Variants in TMEM260 observed in about 807,000 individuals in gnomAD.
TMEM260 encodes the protein transmembrane protein 260.
A neutral mutation model predicts 88.9 loss-of-function variants in TMEM260; 82 were observed. That is an observed-to-expected ratio of 0.92 (90% CI 0.77 to 1.11). The LOEUF (loss-of-function observed/expected upper bound fraction) is 1.11. Among genes scored for constraint, TMEM260 ranks in the 50% least tolerant of loss-of-function variants. TMEM260 has a pLI of 0.00. For missense variants in TMEM260, 902 were observed against 853.4 expected, an observed-to-expected ratio of 1.06 and a Z score of -0.71; for synonymous variants, 314 against 309.3, an observed-to-expected ratio of 1.02 and a Z score of -0.16.
chr14:56,621,275 A>G lies in TMEM260; in HGVS notation c.1227-256A>G, dbSNP rs149059951. Among the ~76,000 whole-genome samples the G allele has an allele frequency of 6.6e-3, 1,008 of 152,344 alleles. 10 individuals carry two copies. Among genetic ancestry groups the G allele is most frequent in the African/African-American group, 0.022 (902 of 41,584 alleles). On this transcript the variant is annotated intron_variant, in intron 10 of 15. Transcript: ENST00000261556. ...GGGAAAAAAGGACCTATTCTTGTGT[A>G]CTGATTCCCTTTTTCTGGAAATGAT...
At chr14:56,586,002 G>T in intron 3 of TMEM260, 90 bp downstream of exon 3, 1 of 1,350,564 alleles carries the variant, frequency 7.4e-7, no homozygotes. Flanking sequence ...AAAATCTTTT[G>T]TTGCTTGGTT....
In TMEM260 at chr14:56,579,992, C is replaced by T. The variant is rs1488236600; in HGVS notation, c.78C>T (p.Ile26=). 1.6e-6 allele frequency: 2 copies of T among 1,246,214 alleles called. No homozygotes were observed. Among genetic ancestry groups the T allele is most frequent in the African/African-American group, 1.6e-5 (1 of 64,510 alleles). 77.2% of individuals were successfully genotyped at this position (1,246,214 alleles called of 1,614,324 possible). A position where few individuals can be genotyped will look rare whatever the true frequency, so the allele number is the denominator to read the frequency against. Residue 26 remains isoleucine (I), a synonymous_variant, in exon 1 of 16, where the codon ATC becomes ATT. Transcript: ENST00000261556. ...VRVGLRRSGG[I]RGGVAVFAAV... is the part of the protein sequence containing the mutation. ...TGGGGCTGCGGCGCTCCGGGGGCAT[C>T]CGCGGCGGCGTGGCGGTGTTCGCCG...
intron 8 of TMEM260, 114 bp downstream of exon 8, chr14:56,616,141 A>T: frequency 1.4e-6 from 1 of 694,574 alleles, no homozygotes; most frequent in Non-Finnish European, 2.5e-6. Context: ...CAAATAAATG[A>T]CTCTCCTAGC....
At chr14:56,583,798 A>G (rs1434353251) in intron 1 of TMEM260, among the ~76,000 whole-genome samples, 1 of 152,106 alleles carries the variant, frequency 6.6e-6, no homozygotes, top group African/African-American at 2.4e-5. Context: ...GAGGTGCAAA[A>G]GAGGACCACT....
At chr14:56,636,721 T>C in intron 15 of TMEM260, 123 bp downstream of exon 15, 1 of 872,848 alleles carries the variant, frequency 1.1e-6, no homozygotes, top group Admixed American at 2.2e-5. Flanking sequence ...TCAATTTGGG[T>C]GGTATAAAGC....
chr14:56,642,553 G>T (rs1300652836), intron 15 of TMEM260, among the ~76,000 whole-genome samples: 1 of 152,142 alleles, frequency 6.6e-6, no homozygotes, highest in African/African-American at 2.4e-5. Context: ...ACAAGAGAAA[G>T]CAGGAAAGAT....
chr14:56,631,035 C>T (rs1888557215), intron 12 of TMEM260, among the ~76,000 whole-genome samples: 2 of 152,010 alleles, frequency 1.3e-5, no homozygotes, highest in African/African-American at 2.4e-5. Context: ...ATTCTTGCCA[C>T]CTCAGAAGAA....
chr14:56,661,531 G>C, the TMEM260 span, among the ~76,000 whole-genome samples: 2 of 122,460 alleles, frequency 1.6e-5, no homozygotes, highest in African/African-American at 6.3e-5. Context: ...AGGGAAGGAG[G>C]AAAGGAGGGA....
chr14:56,584,630 G>T lies in TMEM260; in HGVS notation c.161-371G>T, dbSNP rs17091747. Among the ~76,000 whole-genome samples, 144 of 152,158 alleles carry T rather than the reference G, an allele frequency of 9.5e-4. 4 individuals are homozygous for T. In the East Asian group the frequency reaches 0.024, roughly 26 times the overall value. The stretch of plus-strand genomic sequence containing the variant: ...TCTGCGCATTTTACCTTACTATAAG[G>T]TTGTATCTTTATAGACTTTCGTGCT... On this transcript the variant is annotated intron_variant, in intron 1 of 15. Transcript: ENST00000261556.
At position 56,625,478 on chromosome 14, in the gene TMEM260, C is replaced by A. The variant is rs200319870; in HGVS notation, c.1495C>A (p.Pro499Thr). 1.2e-6 allele frequency: 2 copies of A among 1,611,430 alleles called. No homozygotes were observed. Among genetic ancestry groups the A allele is most frequent in the South Asian group, 2.2e-5 (2 of 90,938 alleles). Residue 499 changes from proline to threonine, a missense_variant, in exon 12 of 16, where the codon CCT (proline) becomes ACT (threonine). Coordinates refer to ENST00000261556, the MANE Select transcript of TMEM260 (RefSeq NM_017799.4). Reference protein sequence around the residue: ...NRWNPVEGILPSGMVTFNLYH... With the variant: ...NRWNPVEGILTSGMVTFNLYH... ...GTGGAATCCTGTGGAAGGAATATTA[C>A]CTAGTGGAATGGTCACATTTAATCT...
chr14:56,645,438 A>G (rs1409282882), intron 15 of TMEM260, among the ~76,000 whole-genome samples: 2 of 152,058 alleles, frequency 1.3e-5, no homozygotes, highest in Non-Finnish European at 2.9e-5. Flanking sequence ...GTGGGAATTG[A>G]ACAATGAGAA....
rs1890060384 is a variant in TMEM260, at chr14:56,647,804, A to AT, written c.*311dup. 1 of 293,942 alleles carries AT rather than the reference A, an allele frequency of 3.4e-6. No homozygotes were observed. The highest frequency in any genetic ancestry group is 4.8e-5 in the Admixed American group (1 of 20,768). The allele number at this position is 293,942 out of a possible 1,614,324, so 18.2% of individuals were successfully genotyped here. ...ATTAGATTCTAGAAGAGAATGAACC[A>AT]TTTTCATATAACTAAATATTGGTCA... On this transcript the variant is annotated 3_prime_UTR_variant, in exon 16 of 16. Coordinates refer to ENST00000261556, the MANE Select transcript of TMEM260 (RefSeq NM_017799.4).
intron 6 of TMEM260, among the ~76,000 whole-genome samples, 173 bp from the exon 7 acceptor site, chr14:56,612,072 A>G (rs1031877517): frequency 6.6e-6 from 1 of 152,016 alleles, no homozygotes; most frequent in Admixed American, 6.6e-5. Flanking sequence ...TGTACACCAA[A>G]CTCCCTTGAC....
the TMEM260 span, among the ~76,000 whole-genome samples, chr14:56,661,634 T>A: frequency 2.0e-5 from 3 of 151,812 alleles, no homozygotes. Flanking sequence ...GGACCTGGCC[T>A]AAAGGAATGA....
chr14:56,653,405 T>TA (rs944352267), downstream of TMEM260, among the ~76,000 whole-genome samples: 9 of 151,530 alleles, frequency 5.9e-5, no homozygotes, highest in African/African-American at 1.7e-4. Context: ...TAGGTCATAG[T>TA]AAAAAAATAA....
At chr14:56,585,542 G>A (rs983880182) in intron 2 of TMEM260, among the ~76,000 whole-genome samples, 85 of 151,964 alleles carry the variant, frequency 5.6e-4, no homozygotes, top group African/African-American at 2.0e-3. Context: ...CCTTTCTCTG[G>A]GTGACGCACC....
chr14:56,594,299 G>A (rs1886076336), intron 3 of TMEM260, among the ~76,000 whole-genome samples: 1 of 152,178 alleles, frequency 6.6e-6, no homozygotes, highest in Admixed American at 6.5e-5. Flanking sequence ...GGTGAAAAGA[G>A]TTCTCATTTA....
At chr14:56,581,093 A>G (rs183433347) in intron 1 of TMEM260, among the ~76,000 whole-genome samples, 2 of 152,312 alleles carry the variant, frequency 1.3e-5, no homozygotes, top group East Asian at 1.9e-4. Context: ...GTTCTTTGCT[A>G]TGTGGGTCTC....
Position 56,597,671 on chromosome 14 carries a change from G to A in TMEM260, c.345-6144G>A, listed in dbSNP as rs200491053. Among the ~76,000 whole-genome samples the A allele has an allele frequency of 3.1e-4, 47 of 152,270 alleles. No individual in the cohort carries two copies. The East Asian group carries it at 8.9e-3, about 29-fold the overall frequency. ...TGTTGGCAATGGCGGGCATAGGACT[G>A]GGGGCAGATGGCTTACCATGTTGTT... On this transcript the variant is annotated intron_variant, in intron 3 of 15. Transcript: ENST00000261556.
Sources: gnomAD v4.1 joint callset for allele counts (sites outside exome capture counted in the v4.1 genomes callset) on GRCh38, gnomAD v4.1.1 for gene constraint, MANE v1.5 for transcripts, NCBI Gene and HGNC (gene_info 2026-07-23, HGNC 2026-07-21) for gene names.